Variants in COL22A1 observed in about 807,000 individuals in gnomAD.
COL22A1 encodes the protein collagen alpha-1(XXII) chain.
COL22A1 carries 221 observed loss-of-function variants against 248.9 expected under a neutral mutation model. The ratio of observed to expected loss-of-function variants is 0.89; its 90% CI spans 0.80 to 0.99. The LOEUF is 0.99. Among genes scored for constraint, COL22A1 ranks in the 50% least tolerant of loss-of-function variants. The pLI is 0.00. For missense variants in COL22A1, 2,240 were observed against 2,179.0 expected (o/e 1.03, Z -0.56); for synonymous variants, 891 against 793.4 (o/e 1.12, Z -2.07).
intron 59 of COL22A1, among the ~76,000 whole-genome samples, chr8:138,603,750 C>G (rs951244052): frequency 6.6e-6 from 1 of 152,154 alleles, no homozygotes; most frequent in Non-Finnish European, 1.5e-5. Context: ...GGAGTAAACA[C>G]TTTCCGAATA....
Position 138,906,469 on chromosome 8 carries a change from C to T in COL22A1, c.-73+7150G>A, listed in dbSNP as rs141093237. Among the ~76,000 whole-genome samples the T allele has an allele frequency of 2.8e-3, 426 of 152,134 alleles. 2 individuals carry two copies. The highest frequency in any genetic ancestry group is 9.4e-3 in the African/African-American group (392 of 41,496). ...TTCCTCTGTGCCTGGAACAATGATG[C>T]GCACAGAGCAGTATCATGTATCAGT... On this transcript the variant is annotated intron_variant, in intron 1 of 64. Coordinates refer to ENST00000303045, the MANE Select transcript of COL22A1 (RefSeq NM_152888.3).
intron 56 of COL22A1, among the ~76,000 whole-genome samples, chr8:138,611,503 C>T (rs774884457): frequency 1.3e-5 from 2 of 152,232 alleles, no homozygotes; most frequent in Non-Finnish European, 2.9e-5. Flanking sequence ...CAGGGTTTCT[C>T]AAATTTTTGT....
chr8:138,669,359 C>T (rs1047342049), intron 41 of COL22A1, among the ~76,000 whole-genome samples: 1 of 152,186 alleles, frequency 6.6e-6, no homozygotes, highest in African/African-American at 2.4e-5. Flanking sequence ...AGATGAGGGT[C>T]CTGGAGGCCG....
intron 5 of COL22A1, among the ~76,000 whole-genome samples, chr8:138,829,180 T>C (rs1408372294): frequency 6.6e-6 from 1 of 152,104 alleles, no homozygotes; most frequent in Non-Finnish European, 1.5e-5. Context: ...ATTCTCTGAG[T>C]TGGGATTTCA....
intron 15 of COL22A1, among the ~76,000 whole-genome samples, chr8:138,777,546 G>A (rs1464384530): frequency 1.3e-5 from 2 of 152,106 alleles, no homozygotes; most frequent in Admixed American, 6.5e-5. Flanking sequence ...AGGCCCTTGT[G>A]TGTGATGTTC....
intron 1 of COL22A1, among the ~76,000 whole-genome samples, chr8:138,892,077 GAGAGTTACTGGTC>G (rs1825109929): frequency 6.6e-6 from 1 of 152,122 alleles, no homozygotes. Context: ...CTATGTTCAT[GAGAGTTACTGGTC>G]TGTGGTTTCT....
intron 12 of COL22A1, among the ~76,000 whole-genome samples, chr8:138,786,169 G>A (rs1419006518): frequency 6.6e-6 from 1 of 152,178 alleles, no homozygotes; most frequent in Non-Finnish European, 1.5e-5. Context: ...TGGAAAACTA[G>A]GCGTGTTGGT....
chr8:138,737,393 G>A, intron 23 of COL22A1, 131 bp downstream of exon 23: 1 of 679,094 alleles, frequency 1.5e-6, no homozygotes, highest in Non-Finnish European at 2.7e-6. Flanking sequence ...TGACCCACTG[G>A]CTGTTCTTTT....
intron 18 of COL22A1, among the ~76,000 whole-genome samples, chr8:138,757,609 A>G (rs566363302): frequency 1.3e-5 from 2 of 152,218 alleles, no homozygotes; most frequent in South Asian, 4.2e-4. Context: ...ATCCCTAACA[A>G]CTGTGTGTAT....
chr8:138,669,899 T>G (rs1824863589), intron 41 of COL22A1, among the ~76,000 whole-genome samples: 1 of 150,698 alleles, frequency 6.6e-6, no homozygotes, highest in African/African-American at 2.5e-5. Context: ...TTTTTTTTTT[T>G]TTTTTGAGAT....
chr8:138,803,570 A>G (rs1390741120), intron 10 of COL22A1, among the ~76,000 whole-genome samples: 1 of 152,250 alleles, frequency 6.6e-6, no homozygotes, highest in African/African-American at 2.4e-5. Context: ...AGTGTCAACC[A>G]GAGTCCCCTG....
intron 1 of COL22A1, among the ~76,000 whole-genome samples, chr8:138,899,739 G>T (rs1814405251): frequency 6.6e-6 from 1 of 152,022 alleles, no homozygotes; most frequent in South Asian, 2.1e-4. Flanking sequence ...GGCCAGGCTG[G>T]TCTTAAACCC....
chr8:138,746,538 T>A (rs571493158), intron 22 of COL22A1, among the ~76,000 whole-genome samples: 2 of 152,302 alleles, frequency 1.3e-5, no homozygotes, highest in Admixed American at 6.5e-5. Flanking sequence ...AATATCCAAA[T>A]GACAGAACAC....
chr8:138,883,290 T>A (rs1163849523), intron 1 of COL22A1, 46 bp from the exon 2 acceptor site: 11 of 1,070,008 alleles, frequency 1.0e-5, no homozygotes, highest in Non-Finnish European at 1.5e-5. Context: ...AAGCTGAAAG[T>A]CTGTGAGAGG....
chr8:138,883,383 G>A lies in COL22A1; in HGVS notation c.-72-139C>T, dbSNP rs573024540. ...CCTCCCGGATTCAACTCCAGGCAGCGAATGTGTGACCTTCCAGAGCAGAGC... is the reference window on the plus strand; with the variant it reads ...CCTCCCGGATTCAACTCCAGGCAGCAAATGTGTGACCTTCCAGAGCAGAGC... On this transcript the variant is annotated intron_variant, in intron 1 of 64. Coordinates refer to ENST00000303045, the MANE Select transcript of COL22A1 (RefSeq NM_152888.3). 30 of 583,058 alleles carry A rather than the reference G, an allele frequency of 5.1e-5. No homozygotes were observed. In the Admixed American group the frequency reaches 7.6e-4, roughly 15 times the overall value. The allele number at this position is 583,058 out of a possible 1,614,324, so 36.1% of individuals were successfully genotyped here.
chr8:138,793,132 C>T (rs1395048255), intron 12 of COL22A1, among the ~76,000 whole-genome samples: 1 of 152,180 alleles, frequency 6.6e-6, no homozygotes, highest in Non-Finnish European at 1.5e-5. Flanking sequence ...AAGAGTATTA[C>T]CATCCCTGGA....
chr8:138,837,528 A>C (rs1239838780), intron 4 of COL22A1, among the ~76,000 whole-genome samples: 2 of 152,194 alleles, frequency 1.3e-5, no homozygotes, highest in Admixed American at 1.3e-4. Flanking sequence ...AAGCATGGAG[A>C]GTCCCCACAG....
intron 2 of COL22A1, among the ~76,000 whole-genome samples, chr8:138,882,107 A>C (rs1281110202): frequency 6.6e-6 from 1 of 152,060 alleles, no homozygotes; most frequent in Admixed American, 6.5e-5. Context: ...ACAGGACAAC[A>C]CAGCCAGGTC....
chr8:138,875,053 A>C (rs1040612549), intron 3 of COL22A1, among the ~76,000 whole-genome samples: 6 of 152,180 alleles, frequency 3.9e-5, no homozygotes, highest in Admixed American at 2.6e-4. Context: ...TAACCAGTAT[A>C]ATTCTGACAC....
Sources: allele counts gnomAD v4.1 joint callset (sites outside exome capture counted in the v4.1 genomes callset), GRCh38; gene constraint gnomAD v4.1.1; transcripts MANE v1.5; gene names NCBI Gene and HGNC (gene_info 2026-07-23, HGNC 2026-07-21).